Variants in USP15 observed in about 807,000 individuals in gnomAD.
The protein encoded by USP15 is ubiquitin carboxyl-terminal hydrolase 15.
A neutral mutation model predicts 127.1 loss-of-function variants in USP15; 18 were observed. The observed-to-expected ratio is 0.14, with a 90% CI of 0.10 to 0.21. The LOEUF is 0.21. Among genes scored for constraint, USP15 ranks in the 10% least tolerant of loss-of-function variants. The pLI, the probability that USP15 is intolerant of heterozygous loss-of-function variation, is 1.00. For synonymous variants in USP15, 364 were observed against 393.7 expected (o/e 0.92, Z 0.89); for missense variants, 805 against 1,159.9 (o/e 0.69, Z 4.44).
At chr12:62,332,567 C>A (rs916671235) in intron 6 of USP15, among the ~76,000 whole-genome samples, 3 of 151,816 alleles carry the variant, frequency 2.0e-5, no homozygotes, top group African/African-American at 7.3e-5. Flanking sequence ...TAAATTTATT[C>A]ATTTTCATTG....
intron 7 of USP15, among the ~76,000 whole-genome samples, chr12:62,354,122 TGTG>T (rs1565880855): frequency 6.6e-6 from 1 of 150,690 alleles, no homozygotes; most frequent in Non-Finnish European, 1.5e-5. Flanking sequence ...CTGGGGGTGG[TGTG>T]TGTGTGTGTG....
chr12:62,322,334 G>C (rs1279832937), intron 5 of USP15, among the ~76,000 whole-genome samples: 1 of 152,064 alleles, frequency 6.6e-6, no homozygotes, highest in Non-Finnish European at 1.5e-5. Flanking sequence ...CATCATGTTG[G>C]CCAGGATGGG....
chr12:62,328,521 C>T (rs936145853), intron 6 of USP15: 6 of 202,354 alleles, frequency 3.0e-5, no homozygotes, highest in South Asian at 2.2e-4. Context: ...TAATTAAAAA[C>T]GCATAAAACC....
chr12:62,296,857 C>T lies in USP15; in HGVS notation c.217+2551C>T, dbSNP rs188691855. Among the ~76,000 whole-genome samples the T allele has an allele frequency of 6.2e-4, 94 of 152,286 alleles. 1 individual carries two copies. Among genetic ancestry groups the T allele is most frequent in the Admixed American group, 1.2e-3 (19 of 15,300 alleles). ...CCCTTGGGGGAAAAGAGGGAGATCA[C>T]GTGCTTAATTTTCCAGCCCTTCAGT... On this transcript the variant is annotated intron_variant, in intron 2 of 21. Coordinates refer to ENST00000280377, the MANE Select transcript of USP15 (RefSeq NM_001252078.2).
At chr12:62,321,365 TTA>T (rs1295372344) in intron 4 of USP15, 97 bp from the exon 5 acceptor site, 4 of 678,986 alleles carry the variant, frequency 5.9e-6, no homozygotes, top group Non-Finnish European at 8.7e-6. Context: ...TGATTTTCTA[TTA>T]GTATTTTAAA....
chr12:62,323,788 A>G (rs2065055221), intron 5 of USP15, among the ~76,000 whole-genome samples: 1 of 152,200 alleles, frequency 6.6e-6, no homozygotes, highest in Admixed American at 6.5e-5. Context: ...TGTACATTAG[A>G]AAACTGAGAC....
rs901808241 is a variant in USP15, at chr12:62,319,315, C to G, written c.476-2149C>G. Among the ~76,000 whole-genome samples the G allele has an allele frequency of 1.6e-4, 24 of 152,318 alleles. No individual in the cohort carries two copies. In the South Asian group the frequency reaches 3.7e-3, roughly 24 times the overall value. On this transcript the variant is annotated intron_variant, in intron 4 of 21. Transcript: ENST00000280377. ...AGTCATCTCCCACCAGGTGCCTCCT[C>G]AAACACTGGGGATTACAATTTGGCA...
chr12:62,261,373 T>A (rs1218522018), intron 1 of USP15, among the ~76,000 whole-genome samples: 1 of 152,248 alleles, frequency 6.6e-6, no homozygotes, highest in Non-Finnish European at 1.5e-5. Flanking sequence ...TATGTGAATA[T>A]GTAACATAAT....
At chr12:62,289,733 G>GTGTGTC (rs1555206570) in intron 1 of USP15, among the ~76,000 whole-genome samples, 1 of 151,330 alleles carries the variant, frequency 6.6e-6, no homozygotes, top group African/African-American at 2.4e-5. Flanking sequence ...GTGTGTGTGT[G>GTGTGTC]TGTGTTTAGA....
At chr12:62,350,092 A>T (rs1261948849) in intron 7 of USP15, among the ~76,000 whole-genome samples, 3 of 151,858 alleles carry the variant, frequency 2.0e-5, no homozygotes, top group Non-Finnish European at 2.9e-5. Flanking sequence ...CTAACATATT[A>T]GTATTAGATA....
At chr12:62,325,849 C>A in intron 5 of USP15, 23 bp from the exon 6 acceptor site, 1 of 1,593,126 alleles carries the variant, frequency 6.3e-7, no homozygotes, top group Non-Finnish European at 8.6e-7. Context: ...GAAAAACACC[C>A]TTTTATTGTG....
rs115493679 is a variant in USP15, at chr12:62,410,697, A to G, written c.*6322A>G. 4.4e-3 allele frequency: 674 copies of G among 152,286 alleles called. 5 individuals carry two copies. The highest frequency in any genetic ancestry group is 0.015 in the African/African-American group (616 of 41,582). The allele number at this position is 152,286 out of a possible 1,614,324, so 9.4% of individuals were successfully genotyped here. On this transcript the variant is annotated 3_prime_UTR_variant, in exon 22 of 22. Transcript: ENST00000280377. ...CCTCTGAATTACTGTTTTCACAACC[A>G]TAAAATTATGCTGGTCTCTTGAAAG...
chr12:62,286,270 A>G (rs2063782964), intron 1 of USP15, among the ~76,000 whole-genome samples: 2 of 152,354 alleles, frequency 1.3e-5, no homozygotes, highest in African/African-American at 2.4e-5. Flanking sequence ...CAGCAAATGT[A>G]TGAAAAAATG....
At chr12:62,292,128 T>C (rs940120337) in intron 1 of USP15, among the ~76,000 whole-genome samples, 9 of 150,824 alleles carry the variant, frequency 6.0e-5, no homozygotes, top group African/African-American at 2.2e-4. Flanking sequence ...CTGAGGTCTC[T>C]TGTGGAGAGG....
intron 6 of USP15, among the ~76,000 whole-genome samples, 165 bp from the exon 7 acceptor site, chr12:62,349,056 A>G (rs1485376733): frequency 6.6e-6 from 1 of 152,138 alleles, no homozygotes; most frequent in Non-Finnish European, 1.5e-5. Flanking sequence ...TTTATAAGGA[A>G]TAATACATTC....
intron 1 of USP15, among the ~76,000 whole-genome samples, chr12:62,284,630 C>T (rs1592495440): frequency 1.3e-5 from 2 of 152,172 alleles, no homozygotes; most frequent in East Asian, 1.9e-4. Context: ...AGCTTTGTTA[C>T]CTGTAGTATT....
rs1327526441 is a variant in USP15 at position 62,411,349 on chromosome 12, C to CT, written c.*6975dup. 6.6e-6 allele frequency: 1 copy of CT among 152,152 alleles called. No homozygotes were observed. The highest frequency in any genetic ancestry group is 1.5e-5 in the Non-Finnish European group (1 of 68,044). 9.4% of individuals were successfully genotyped at this position (152,152 alleles called of 1,614,324 possible). Reference sequence around the variant, plus strand: ...CCATCTGTTCTGTATCTGTTAAGGCCTCTAGAGCTTCATTCATTCCTTCAT... The same window carrying CT: ...CCATCTGTTCTGTATCTGTTAAGGCCTTCTAGAGCTTCATTCATTCCTTCAT... On this transcript the variant is annotated 3_prime_UTR_variant, in exon 22 of 22. Coordinates refer to ENST00000280377, the MANE Select transcript of USP15 (RefSeq NM_001252078.2).
chr12:62,356,568 G>A (rs1361176582), intron 8 of USP15, among the ~76,000 whole-genome samples: 1 of 151,870 alleles, frequency 6.6e-6, no homozygotes, highest in Non-Finnish European at 1.5e-5. Flanking sequence ...TCGATTTCTG[G>A]TATTTTGCTT....
In USP15 at chr12:62,298,699, A is replaced by T. The variant is rs1251727254; in HGVS notation, c.218-4091A>T. On this transcript the variant is annotated intron_variant, in intron 2 of 21. Coordinates refer to ENST00000280377, the MANE Select transcript of USP15 (RefSeq NM_001252078.2). The stretch of plus-strand genomic sequence containing the variant: ...AATAACATAATATGTGGGTGGTGGC[A>T]TACACCTGTAGTCCCAGTACTTGGG... Among the ~76,000 whole-genome samples the T allele has an allele frequency of 2.0e-5, 3 of 151,942 alleles. No homozygotes were observed. The East Asian group carries it at 5.8e-4, about 29-fold the overall frequency.
Sources: allele counts gnomAD v4.1 joint callset (sites outside exome capture counted in the v4.1 genomes callset), GRCh38; gene constraint gnomAD v4.1.1; transcripts MANE v1.5; gene names NCBI Gene and HGNC (gene_info 2026-07-23, HGNC 2026-07-21).